GABRB2: variants seen among roughly 807,000 people sequenced by gnomAD.
GABRB2 encodes gamma-aminobutyric acid receptor subunit beta-2.
GABRB2 carries 16 observed loss-of-function variants against 54.7 expected under a neutral mutation model. The ratio of observed to expected loss-of-function variants is 0.29; its 90% CI spans 0.20 to 0.44. The LOEUF (loss-of-function observed/expected upper bound fraction) is 0.44, where lower values mean the gene tolerates loss of function less well. GABRB2 is among the 20% of genes least tolerant of loss of function. The probability of loss-of-function intolerance (pLI) is 1.00; values close to 1 mark genes in which losing one functional copy is unlikely to be tolerated. For missense variants in GABRB2, 355 were observed against 644.0 expected (o/e 0.55, Z 4.86); for synonymous variants, 244 against 233.8 (o/e 1.04, Z -0.40).
intron 9 of GABRB2, among the ~76,000 whole-genome samples, chr5:161,309,018 A>T (rs1198040535): frequency 6.6e-6 from 1 of 152,250 alleles, no homozygotes; most frequent in Non-Finnish European, 1.5e-5. Flanking sequence ...ATGAGGTGTG[A>T]TTAAACTAAA....
intron 3 of GABRB2, among the ~76,000 whole-genome samples, chr5:161,507,317 T>G (rs1457513415): frequency 6.6e-6 from 1 of 152,006 alleles, no homozygotes; most frequent in African/African-American, 2.4e-5. Context: ...AATAATAAAG[T>G]AGGACAGTTA....
chr5:161,434,725 T>C (rs1018862810), intron 4 of GABRB2, among the ~76,000 whole-genome samples: 4 of 152,168 alleles, frequency 2.6e-5, no homozygotes, highest in African/African-American at 9.7e-5. Context: ...TAGAAATGTA[T>C]TTATTTATTT....
At position 161,458,624 on chromosome 5, in the gene GABRB2, G is replaced by T. The variant is rs541113965; in HGVS notation, c.458+1000C>A. On this transcript the variant is annotated intron_variant, in intron 4 of 9. Coordinates refer to ENST00000393959, the MANE Select transcript of GABRB2 (RefSeq NM_001371727.1). ...GCTTTGGCTCTGAACTTGGAACAGG[G>T]TTTATGTACCATCTCCAGAGATTAC... 3.3e-5 allele frequency among the ~76,000 whole-genome samples: 5 copies of T among 152,320 alleles called. No homozygotes were observed. The East Asian group carries it at 9.6e-4, about 29-fold the overall frequency.
chr5:161,461,999 A>G (rs1409670107), intron 3 of GABRB2, among the ~76,000 whole-genome samples: 1 of 152,174 alleles, frequency 6.6e-6, no homozygotes, highest in African/African-American at 2.4e-5. Flanking sequence ...ATCTGCTCTA[A>G]CACCGAACAG....
chr5:161,346,119 G>T (rs534492349), intron 5 of GABRB2, among the ~76,000 whole-genome samples: 1 of 152,178 alleles, frequency 6.6e-6, no homozygotes, highest in African/African-American at 2.4e-5. Context: ...GTTTATAAAA[G>T]GTAGCTACCA....
At chr5:161,424,682 T>C (rs1400587734) in intron 4 of GABRB2, among the ~76,000 whole-genome samples, 1 of 152,158 alleles carries the variant, frequency 6.6e-6, no homozygotes, top group African/African-American at 2.4e-5. Flanking sequence ...TTAGGCCTGC[T>C]ACCATGACAT....
In GABRB2 at chr5:161,433,590, A is replaced by G. The variant is rs1210335179; in HGVS notation, c.459-22533T>C. On this transcript the variant is annotated intron_variant, in intron 4 of 9. Coordinates refer to ENST00000393959, the MANE Select transcript of GABRB2 (RefSeq NM_001371727.1). ...CTGTCACTGCACTCCAGCCTGGGCA[A>G]TGGAGTGATACCCTGTCTCCAAAAA... 2.0e-5 allele frequency among the ~76,000 whole-genome samples: 3 copies of G among 152,096 alleles called. No homozygotes were observed. The East Asian group carries it at 5.8e-4, about 29-fold the overall frequency.
At chr5:161,543,879 C>T (rs903070447) in intron 3 of GABRB2, among the ~76,000 whole-genome samples, 11 of 152,070 alleles carry the variant, frequency 7.2e-5, no homozygotes, top group Non-Finnish European at 1.5e-4. Context: ...CTTTAGTCTG[C>T]GTTTATATTG....
intron 5 of GABRB2, among the ~76,000 whole-genome samples, chr5:161,402,463 T>C (rs1308213838): frequency 2.0e-5 from 3 of 152,114 alleles, no homozygotes; most frequent in Non-Finnish European, 4.4e-5. Context: ...AAGGAAGGAA[T>C]AGTAATAAAT....
chr5:161,448,617 TTCCCTAA>T (rs1757703899), intron 4 of GABRB2, among the ~76,000 whole-genome samples: 1 of 152,162 alleles, frequency 6.6e-6, no homozygotes, highest in East Asian at 1.9e-4. Flanking sequence ...ATGGTCAGTT[TTCCCTAA>T]TCTGGAGTTT....
chr5:161,442,153 T>C (rs1175632819), intron 4 of GABRB2, among the ~76,000 whole-genome samples: 1 of 152,200 alleles, frequency 6.6e-6, no homozygotes, highest in African/African-American at 2.4e-5. Context: ...GAAAACCCAT[T>C]GCCCATAATG....
At chr5:161,402,718 G>T (rs954117031) in intron 5 of GABRB2, among the ~76,000 whole-genome samples, 1 of 152,136 alleles carries the variant, frequency 6.6e-6, no homozygotes, top group Non-Finnish European at 1.5e-5. Flanking sequence ...CTGGGAATTT[G>T]TTAGAAATGC....
At position 161,428,740 on chromosome 5, in the gene GABRB2, T is replaced by A. The variant is rs1253427154; in HGVS notation, c.459-17683A>T. On this transcript the variant is annotated intron_variant, in intron 4 of 9. Coordinates refer to ENST00000393959, the MANE Select transcript of GABRB2 (RefSeq NM_001371727.1). ...GGCATTGTATAAAATTGTTATGATG[T>A]GGTCTTTGACCTTAAGGACCTTAAA... 3.9e-5 allele frequency among the ~76,000 whole-genome samples: 6 copies of A among 152,180 alleles called. 1 individual carries two copies. Among genetic ancestry groups the A allele is most frequent in the Admixed American group, 2.6e-4 (4 of 15,270 alleles).
At chr5:161,547,544 C>T (rs1369232639), upstream of GABRB2, among the ~76,000 whole-genome samples, 1 of 151,436 alleles carries the variant, frequency 6.6e-6, no homozygotes, top group Non-Finnish European at 1.5e-5. Context: ...ACGTTCCTGA[C>T]CCGCTAGTCC....
At chr5:161,533,999 T>G (rs1041341753) in intron 3 of GABRB2, among the ~76,000 whole-genome samples, 1 of 152,182 alleles carries the variant, frequency 6.6e-6, no homozygotes, top group Non-Finnish European at 1.5e-5. Context: ...ATCTTTGATG[T>G]TTGTTGGTAT....
At chr5:161,507,792 A>G (rs1759652681) in intron 3 of GABRB2, among the ~76,000 whole-genome samples, 1 of 152,102 alleles carries the variant, frequency 6.6e-6, no homozygotes, top group African/African-American at 2.4e-5. Context: ...GCAAATTAAA[A>G]CCACAATGAG....
intron 3 of GABRB2, among the ~76,000 whole-genome samples, chr5:161,510,454 A>G (rs186771695): frequency 6.6e-6 from 1 of 152,098 alleles, no homozygotes; most frequent in East Asian, 1.9e-4. Context: ...TTTATGGCCA[A>G]ATAGTACTAC....
At chr5:161,380,651 T>A (rs1337537065) in intron 5 of GABRB2, among the ~76,000 whole-genome samples, 1 of 152,096 alleles carries the variant, frequency 6.6e-6, no homozygotes, top group Non-Finnish European at 1.5e-5. Flanking sequence ...AATCTGACGT[T>A]TTAAAATTGA....
chr5:161,345,551 G>T (rs1754298148), intron 5 of GABRB2, among the ~76,000 whole-genome samples: 1 of 151,918 alleles, frequency 6.6e-6, no homozygotes, highest in African/African-American at 2.4e-5. Flanking sequence ...TCAAGGTTCT[G>T]GTTCAAGTTA....
Sources: gnomAD v4.1 joint callset for allele counts (sites outside exome capture counted in the v4.1 genomes callset) on GRCh38, gnomAD v4.1.1 for gene constraint, MANE v1.5 for transcripts, NCBI Gene and HGNC (gene_info 2026-07-23, HGNC 2026-07-21) for gene names.